APBA1: variants seen among roughly 807,000 people sequenced by gnomAD.
APBA1 encodes the protein amyloid beta precursor protein binding family A member 1, also known as amyloid-beta A4 precursor protein-binding family A member 1.
In APBA1, 55 loss-of-function variants were observed where a neutral mutation model predicts 86.6. That is an observed-to-expected ratio of 0.64 (90% CI 0.51 to 0.80). APBA1 has a LOEUF of 0.80. APBA1 is among the 30% of genes least tolerant of loss of function. The probability of loss-of-function intolerance (pLI) is 0.00; values close to 1 mark genes in which losing one functional copy is unlikely to be tolerated. For synonymous variants in APBA1, 511 were observed against 493.9 expected (o/e 1.03, Z -0.46); for missense variants, 1,090 against 1,183.0 (o/e 0.92, Z 1.15).
chr9:69,589,352 G>T (rs767135300), intron 1 of APBA1, among the ~76,000 whole-genome samples: 2 of 152,186 alleles, frequency 1.3e-5, no homozygotes. Context: ...CATGGGAAAA[G>T]ACCAAATGAC....
chr9:69,431,216 C>T lies in APBA1; in HGVS notation c.*111G>A, dbSNP rs1011134508. 2.3e-5 allele frequency: 17 copies of T among 746,424 alleles called. No homozygotes were observed. Among genetic ancestry groups the T allele is most frequent in the African/African-American group, 1.5e-4 (8 of 54,538 alleles). The allele number at this position is 746,424 out of a possible 1,614,324, so 46.2% of individuals were successfully genotyped here. A position where few individuals can be genotyped will look rare whatever the true frequency, so the allele number is the denominator to read the frequency against. On this transcript the variant is annotated 3_prime_UTR_variant, in exon 13 of 13. Transcript: ENST00000265381. ...TGGATTCTTCTCTTCCTGTGTAAAA[C>T]CAAATGCTGGGCGCGAGAGGGGAAA...
At chr9:69,448,810 G>A (rs1834954498) in intron 10 of APBA1, among the ~76,000 whole-genome samples, 1 of 152,172 alleles carries the variant, frequency 6.6e-6, no homozygotes, top group Non-Finnish European at 1.5e-5. Flanking sequence ...AGAGCTACTG[G>A]GGTCTACAGA....
rs1322878345 is a variant in APBA1 at position 69,427,857 on chromosome 9, C to G, written c.*3470G>C. The G allele has an allele frequency of 6.6e-6, 1 of 152,156 alleles. No individual in the cohort carries two copies. Among genetic ancestry groups the G allele is most frequent in the Non-Finnish European group, 1.5e-5 (1 of 68,026 alleles). The allele number at this position is 152,156 out of a possible 1,614,324, so 9.4% of individuals were successfully genotyped here. A position where few individuals can be genotyped will look rare whatever the true frequency, so the allele number is the denominator to read the frequency against. On this transcript the variant is annotated 3_prime_UTR_variant, in exon 13 of 13. Coordinates refer to ENST00000265381, the MANE Select transcript of APBA1 (RefSeq NM_001163.4). ...AAATACAATACTATACTTCTCCCGA[C>G]ACTTTACAATAAGCTCTATTTCACC...
chr9:69,626,285 T>C (rs554416032), intron 1 of APBA1, among the ~76,000 whole-genome samples: 1 of 151,964 alleles, frequency 6.6e-6, no homozygotes, highest in Admixed American at 6.6e-5. Flanking sequence ...GGGGTCTTTC[T>C]ATTGCATGGA....
chr9:69,565,020 A>G (rs1837003227), intron 1 of APBA1, among the ~76,000 whole-genome samples: 1 of 152,218 alleles, frequency 6.6e-6, no homozygotes, highest in Non-Finnish European at 1.5e-5. Context: ...ACAATATGTA[A>G]GAAGAGAAGG....
At chr9:69,642,905 G>C (rs1823317200) in intron 1 of APBA1, among the ~76,000 whole-genome samples, 1 of 151,776 alleles carries the variant, frequency 6.6e-6, no homozygotes, top group Admixed American at 6.6e-5. Flanking sequence ...AGCTTGCTCT[G>C]TGGATTTTGG....
intron 10 of APBA1, among the ~76,000 whole-genome samples, chr9:69,445,542 C>T (rs186426025): frequency 4.3e-4 from 65 of 152,148 alleles, no homozygotes; most frequent in Admixed American, 9.8e-4. Flanking sequence ...TCTATAGCAA[C>T]GGGAGAGCAG....
At chr9:69,627,311 G>C (rs1055026051) in intron 1 of APBA1, among the ~76,000 whole-genome samples, 2 of 151,998 alleles carry the variant, frequency 1.3e-5, no homozygotes, top group African/African-American at 4.8e-5. Flanking sequence ...ATTCACCCTA[G>C]GGTTTTTATT....
At chr9:69,578,047 G>T (rs1007675672) in intron 1 of APBA1, among the ~76,000 whole-genome samples, 1 of 152,180 alleles carries the variant, frequency 6.6e-6, no homozygotes, top group Non-Finnish European at 1.5e-5. Context: ...TGTGTTGAAG[G>T]TAAGTGTAAA....
At chr9:69,448,136 C>G (rs894082543) in intron 10 of APBA1, among the ~76,000 whole-genome samples, 1 of 152,288 alleles carries the variant, frequency 6.6e-6, no homozygotes, top group Non-Finnish European at 1.5e-5. Flanking sequence ...GCAGAAACTT[C>G]CAAACGCCAC....
chr9:69,604,392 G>A (rs1329609134), intron 1 of APBA1, among the ~76,000 whole-genome samples: 3 of 146,482 alleles, frequency 2.0e-5, no homozygotes, highest in Admixed American at 2.0e-4. Flanking sequence ...ACACTTGAGG[G>A]TAAGTGGAGA....
intron 4 of APBA1, 21 bp from the exon 5 acceptor site, chr9:69,467,989 G>A: frequency 6.2e-7 from 1 of 1,610,992 alleles, no homozygotes; most frequent in Non-Finnish European, 8.5e-7. Flanking sequence ...TAGAGCCACA[G>A]TGAGGAAGCC....
intron 1 of APBA1, among the ~76,000 whole-genome samples, chr9:69,577,028 T>G (rs1821815306): frequency 6.6e-6 from 1 of 152,170 alleles, no homozygotes; most frequent in Non-Finnish European, 1.5e-5. Flanking sequence ...CACATATCTA[T>G]GGGGTACATG....
At chr9:69,591,909 G>C (rs1380749287) in intron 1 of APBA1, among the ~76,000 whole-genome samples, 1 of 152,088 alleles carries the variant, frequency 6.6e-6, no homozygotes, top group Non-Finnish European at 1.5e-5. Context: ...AAGTGTCTCA[G>C]CTAAGAACTT....
intron 11 of APBA1, among the ~76,000 whole-genome samples, chr9:69,434,247 C>A (rs1001524447): frequency 6.6e-6 from 1 of 152,114 alleles, no homozygotes; most frequent in Non-Finnish European, 1.5e-5. Context: ...GAGGGTGCAT[C>A]CCAAACTCTC....
At chr9:69,572,039 G>A (rs931583285) in intron 1 of APBA1, among the ~76,000 whole-genome samples, 1 of 152,108 alleles carries the variant, frequency 6.6e-6, no homozygotes, top group African/African-American at 2.4e-5. Flanking sequence ...GCACATTGAG[G>A]GCAGTCCAAG....
chr9:69,607,026 A>G lies in APBA1; in HGVS notation c.-70+65127T>C, dbSNP rs560979917. On this transcript the variant is annotated intron_variant, in intron 1 of 12. Transcript: ENST00000265381. ...CAGAAGTTCTTTTAAAGAAACCCCC[A>G]TAATTCTGGCCAGAATTGTATTTGC... Among the ~76,000 whole-genome samples, 8 of 152,302 alleles carry G rather than the reference A, an allele frequency of 5.3e-5. No individual in the cohort carries two copies. The South Asian group carries it at 1.7e-3, about 32-fold the overall frequency.
intron 1 of APBA1, among the ~76,000 whole-genome samples, chr9:69,556,879 T>A (rs1160860341): frequency 1.3e-5 from 2 of 152,298 alleles, no homozygotes; most frequent in South Asian, 4.1e-4. Context: ...TGGAGTCATT[T>A]CAAGCTTGAA....
chr9:69,433,808 CTT>C (rs35255395), intron 11 of APBA1, among the ~76,000 whole-genome samples: 2,200 of 128,304 alleles, frequency 0.017, 36 homozygotes, highest in African/African-American at 0.047. Context: ...TTACCTAGGA[CTT>C]TTTTTTTTTT....
Sources: gnomAD v4.1 joint callset for allele counts (sites outside exome capture counted in the v4.1 genomes callset) on GRCh38, gnomAD v4.1.1 for gene constraint, MANE v1.5 for transcripts, NCBI Gene and HGNC (gene_info 2026-07-23, HGNC 2026-07-21) for gene names.